CDK14: variants seen among roughly 807,000 people sequenced by gnomAD.
CDK14 encodes cyclin dependent kinase 14.
In CDK14, 34 loss-of-function variants were observed where a neutral mutation model predicts 60.7. That is an observed-to-expected ratio of 0.56 (90% CI 0.43 to 0.75). The LOEUF is 0.75. CDK14 is among the 30% of genes least tolerant of loss of function. CDK14 has a pLI of 0.00. For missense variants in CDK14, 482 were observed against 564.1 expected, an observed-to-expected ratio of 0.85 and a Z score of 1.47; for synonymous variants, 197 against 203.7, an observed-to-expected ratio of 0.97 and a Z score of 0.28.
chr7:90,625,841 C>T (rs1018840647), intron 2 of CDK14, among the ~76,000 whole-genome samples: 1 of 152,184 alleles, frequency 6.6e-6, no homozygotes, highest in Non-Finnish European at 1.5e-5. Context: ...TGCTTTTCTT[C>T]GTACTCGTAG....
At chr7:91,173,926 C>T (rs1460418194) in intron 14 of CDK14, among the ~76,000 whole-genome samples, 1 of 152,216 alleles carries the variant, frequency 6.6e-6, no homozygotes, top group Non-Finnish European at 1.5e-5. Context: ...ACAAAGCAGC[C>T]AGGAAGCTCC....
At chr7:91,136,846 A>G (rs1800293362) in intron 14 of CDK14, among the ~76,000 whole-genome samples, 1 of 152,228 alleles carries the variant, frequency 6.6e-6, no homozygotes, top group African/African-American at 2.4e-5. Context: ...GGTCTAAAAG[A>G]CAAGAAAATG....
rs759130780 is a variant in CDK14 at position 90,984,210 on chromosome 7, A to T, written c.1010A>T (p.Asp337Val). 4 of 1,612,468 alleles carry T rather than the reference A, an allele frequency of 2.5e-6. No individual in the cohort carries two copies. Among genetic ancestry groups the T allele is most frequent in the African/African-American group, 1.3e-5 (1 of 75,024 alleles). ...GTTGCTGCTTTTCCAGGAATGAAAG[A>T]CATTCAGGATCAACTTGAACGAATA... Reference protein sequence around the residue: ...QGVAAFPGMKDIQDQLERIFL... With the variant: ...QGVAAFPGMKVIQDQLERIFL... Residue 337 changes from aspartate (D) to valine (V), a missense_variant, in exon 10 of 15, where the codon GAC becomes GTC. Asp to Val is a radical substitution (Grantham distance 152). Coordinates refer to ENST00000380050, the MANE Select transcript of CDK14 (RefSeq NM_001287135.2).
chr7:90,723,444 G>C (rs555804309), intron 2 of CDK14, among the ~76,000 whole-genome samples: 5 of 152,128 alleles, frequency 3.3e-5, no homozygotes, highest in Non-Finnish European at 7.4e-5. Context: ...CTGCACAGGT[G>C]CCTCTCCACA....
At chr7:91,061,967 C>G (rs1797808497) in intron 11 of CDK14, among the ~76,000 whole-genome samples, 2 of 152,190 alleles carry the variant, frequency 1.3e-5, no homozygotes, top group Admixed American at 6.5e-5. Context: ...GTTTCTGCTG[C>G]CTTTTGTTTG....
intron 2 of CDK14, among the ~76,000 whole-genome samples, chr7:90,699,884 A>G (rs1308872140): frequency 6.6e-6 from 1 of 152,182 alleles, no homozygotes; most frequent in Admixed American, 6.5e-5. Context: ...TGAGGGAATC[A>G]TGTGCTTCAG....
At chr7:90,758,020 G>A (rs1327800110) in intron 4 of CDK14, among the ~76,000 whole-genome samples, 1 of 152,126 alleles carries the variant, frequency 6.6e-6, no homozygotes, top group African/African-American at 2.4e-5. Context: ...ATCCATGTAG[G>A]AACACATACA....
At chr7:91,080,483 C>T (rs1389812783) in intron 12 of CDK14, among the ~76,000 whole-genome samples, 2 of 151,704 alleles carry the variant, frequency 1.3e-5, no homozygotes. Context: ...TTTGTCTAAC[C>T]TGGGGCTTTG....
intron 11 of CDK14, among the ~76,000 whole-genome samples, chr7:91,078,449 A>G (rs374807792): frequency 1.3e-5 from 2 of 152,310 alleles, no homozygotes; most frequent in South Asian, 2.1e-4. Context: ...TCTACTAAAA[A>G]TACAAAAATT....
intron 11 of CDK14, among the ~76,000 whole-genome samples, chr7:91,049,427 G>A (rs1405552265): frequency 6.6e-6 from 1 of 151,940 alleles, no homozygotes; most frequent in Non-Finnish European, 1.5e-5. Flanking sequence ...TTGTTATTTT[G>A]GCCAGGCCAG....
chr7:90,925,550 A>G (rs1054324509), intron 8 of CDK14, among the ~76,000 whole-genome samples: 1 of 152,234 alleles, frequency 6.6e-6, no homozygotes. Flanking sequence ...AGAATCACTG[A>G]TACCAGAATT....
chr7:90,654,363 CA>C (rs1381853770), intron 2 of CDK14, among the ~76,000 whole-genome samples: 13 of 152,338 alleles, frequency 8.5e-5, no homozygotes, highest in African/African-American at 2.9e-4. Flanking sequence ...GTGGAAAATG[CA>C]GACAACAATT....
At chr7:90,780,182 T>C (rs569016270) in intron 4 of CDK14, among the ~76,000 whole-genome samples, 12 of 152,286 alleles carry the variant, frequency 7.9e-5, no homozygotes, top group African/African-American at 2.6e-4. Context: ...TGTCTTTCCG[T>C]CTTCATTTGT....
At chr7:90,782,300 C>T (rs13231092) in intron 4 of CDK14, among the ~76,000 whole-genome samples, 1 of 151,890 alleles carries the variant, frequency 6.6e-6, no homozygotes, top group Non-Finnish European at 1.5e-5. Flanking sequence ...TGCTTATCAG[C>T]TTAAGGAGAT....
intron 2 of CDK14, among the ~76,000 whole-genome samples, chr7:90,664,441 A>G (rs959656064): frequency 6.6e-6 from 1 of 152,214 alleles, no homozygotes; most frequent in Non-Finnish European, 1.5e-5. Context: ...ATTACTGGGT[A>G]TATACCCAAA....
At chr7:91,153,424 T>C (rs544663226) in intron 14 of CDK14, among the ~76,000 whole-genome samples, 1 of 152,178 alleles carries the variant, frequency 6.6e-6, no homozygotes, top group Non-Finnish European at 1.5e-5. Flanking sequence ...CAAAGACACA[T>C]GCACACATAT....
At chr7:90,691,896 G>A (rs1366572825) in intron 2 of CDK14, among the ~76,000 whole-genome samples, 1 of 152,162 alleles carries the variant, frequency 6.6e-6, no homozygotes, top group East Asian at 1.9e-4. Context: ...TTTGGAGGAT[G>A]TAATTACCAT....
At chr7:90,809,475 T>C (rs1036252403) in intron 5 of CDK14, among the ~76,000 whole-genome samples, 11 of 151,734 alleles carry the variant, frequency 7.2e-5, no homozygotes, top group African/African-American at 2.7e-4. Flanking sequence ...CAAAGCAGTG[T>C]GTAGAGGGAA....
At position 90,641,616 on chromosome 7, in the gene CDK14, G is replaced by A. The variant is rs147654359; in HGVS notation, c.123+37367G>A. On this transcript the variant is annotated intron_variant, in intron 2 of 14. Coordinates refer to ENST00000380050, the MANE Select transcript of CDK14 (RefSeq NM_001287135.2). ...AGTAGATTAATGGTTGCTTAGGGCC[G>A]AGGTGGAAGTAGTGGTGGGGAGGAG... 2.6e-4 allele frequency among the ~76,000 whole-genome samples: 39 copies of A among 151,634 alleles called. No homozygotes were observed. In the East Asian group the frequency reaches 7.6e-3, roughly 29 times the overall value.
Sources: gnomAD v4.1 joint callset for allele counts (sites outside exome capture counted in the v4.1 genomes callset) on GRCh38, gnomAD v4.1.1 for gene constraint, MANE v1.5 for transcripts, NCBI Gene and HGNC (gene_info 2026-07-23, HGNC 2026-07-21) for gene names.